LRRC8D: variants seen among roughly 807,000 people sequenced by gnomAD.
LRRC8D encodes the protein volume-regulated anion channel subunit LRRC8D.
In LRRC8D, 20 loss-of-function variants were observed where a neutral mutation model predicts 55.8. The ratio of observed to expected loss-of-function variants is 0.36; its 90% CI spans 0.25 to 0.52. LRRC8D has a LOEUF of 0.52. LRRC8D is among the 20% of genes least tolerant of loss of function. LRRC8D has a pLI of 0.93. For missense variants in LRRC8D, 651 were observed against 1,030.8 expected (o/e 0.63, Z 5.05); for synonymous variants, 352 against 377.0 (o/e 0.93, Z 0.77).
At chr1:89,831,919 A>G (rs1660896487) in intron 1 of LRRC8D, among the ~76,000 whole-genome samples, 1 of 152,228 alleles carries the variant, frequency 6.6e-6, no homozygotes, top group African/African-American at 2.4e-5. Flanking sequence ...TTGAGCGGGT[A>G]TACACAGCAG....
chr1:89,827,430 G>C (rs774972451), intron 1 of LRRC8D, among the ~76,000 whole-genome samples: 1 of 151,494 alleles, frequency 6.6e-6, no homozygotes, highest in Non-Finnish European at 1.5e-5. Context: ...CCCCAAATTC[G>C]TGGGCACCTA....
chr1:89,897,421 T>C (rs559541707), intron 2 of LRRC8D, among the ~76,000 whole-genome samples: 242 of 152,320 alleles, frequency 1.6e-3, no homozygotes, highest in Non-Finnish European at 2.8e-3. Context: ...AAAGGCGAGA[T>C]TATGTTTTTT....
chr1:89,821,467 G>C (rs963364728), intron 1 of LRRC8D, among the ~76,000 whole-genome samples, 176 bp downstream of exon 1: 1 of 152,160 alleles, frequency 6.6e-6, no homozygotes, highest in Non-Finnish European at 1.5e-5. Context: ...GGCGGCGAGC[G>C]GAGTGGGCTC....
intron 2 of LRRC8D, among the ~76,000 whole-genome samples, chr1:89,884,799 A>G (rs916535129): frequency 3.3e-5 from 5 of 152,208 alleles, no homozygotes; most frequent in African/African-American, 1.2e-4. Flanking sequence ...GGTAATAACA[A>G]TTACTTAAAT....
intron 2 of LRRC8D, among the ~76,000 whole-genome samples, chr1:89,925,965 A>G (rs567073176): frequency 3.3e-5 from 5 of 152,374 alleles, no homozygotes; most frequent in Admixed American, 2.6e-4. Flanking sequence ...ACAGGGGTAT[A>G]CCAGACCACT....
chr1:89,923,855 C>G (rs1452779685), intron 2 of LRRC8D, among the ~76,000 whole-genome samples: 1 of 152,144 alleles, frequency 6.6e-6, no homozygotes, highest in Non-Finnish European at 1.5e-5. Context: ...ATAAATGGTG[C>G]TGGAATAACT....
In LRRC8D at chr1:89,935,127, T is replaced by A; in HGVS notation, c.2059T>A (p.Cys687Ser). The A allele has an allele frequency of 6.2e-7, 1 of 1,614,222 alleles. No individual in the cohort carries two copies. Among genetic ancestry groups the A allele is most frequent in the Non-Finnish European group, 8.5e-7 (1 of 1,180,042 alleles). ...ISFQHLKRLTCLKLWHNKIVT... is the reference protein window; with the variant it reads ...ISFQHLKRLTSLKLWHNKIVT... ...TTTCCAGCATTTAAAACGACTGACTTGTTTAAAATTATGGCATAACAAAAT... is the reference window on the plus strand; with the variant it reads ...TTTCCAGCATTTAAAACGACTGACTAGTTTAAAATTATGGCATAACAAAAT... The change falls in exon 3 of 3, where the codon TGT becomes AGT. Residue 687 changes from cysteine to serine, a missense_variant. Around this residue, in one of 5 missense-constraint regions of LRRC8D, gnomAD observed 338 missense variants for 479.4 expected, o/e 0.71. Coordinates refer to ENST00000337338, the MANE Select transcript of LRRC8D (RefSeq NM_001134479.2).
chr1:89,835,455 A>C (rs1302711633), intron 1 of LRRC8D, among the ~76,000 whole-genome samples: 1 of 152,216 alleles, frequency 6.6e-6, no homozygotes, highest in Non-Finnish European at 1.5e-5. Flanking sequence ...AGTTTTTCAC[A>C]TGTATTTCCT....
chr1:89,829,519 A>G (rs966733540), intron 1 of LRRC8D, among the ~76,000 whole-genome samples: 28 of 152,156 alleles, frequency 1.8e-4, no homozygotes, highest in African/African-American at 6.5e-4. Context: ...ATATATACCT[A>G]TTCTCTTATC....
At chr1:89,845,511 A>G (rs1661253204) in intron 2 of LRRC8D, among the ~76,000 whole-genome samples, 2 of 152,122 alleles carry the variant, frequency 1.3e-5, no homozygotes, top group Admixed American at 1.3e-4. Context: ...ATCTCAGCTC[A>G]CTGCAATCTC....
At chr1:89,833,755 ATTT>A (rs1266193122) in intron 1 of LRRC8D, 1 of 152,128 alleles carries the variant, frequency 6.6e-6, no homozygotes, top group African/African-American at 2.4e-5. Flanking sequence ...CTTGGAATGC[ATTT>A]TCCATGGGTG....
At chr1:89,832,754 G>T (rs1034608843) in intron 1 of LRRC8D, among the ~76,000 whole-genome samples, 2 of 152,150 alleles carry the variant, frequency 1.3e-5, no homozygotes, top group African/African-American at 4.8e-5. Flanking sequence ...CTCGTTTGGG[G>T]CATTATGCGT....
intron 2 of LRRC8D, among the ~76,000 whole-genome samples, chr1:89,862,150 A>G (rs564438277): frequency 1.8e-4 from 27 of 152,310 alleles, no homozygotes; most frequent in Admixed American, 4.6e-4. Context: ...AGGTCACTCT[A>G]TGCAGCGATT....
At chr1:89,909,186 G>C (rs1322580501) in intron 2 of LRRC8D, among the ~76,000 whole-genome samples, 1 of 152,158 alleles carries the variant, frequency 6.6e-6, no homozygotes, top group African/African-American at 2.4e-5. Flanking sequence ...ATTGATGACA[G>C]TATCTGATTT....
In LRRC8D at chr1:89,935,733, T is replaced by A; in HGVS notation, c.*88T>A. On this transcript the variant is annotated 3_prime_UTR_variant, in exon 3 of 3. Transcript: ENST00000337338. ...ACAAGTTATTACAAGATAATGCATT[T>A]TAGGAGTAGATACATCTTTTAAAAT... 8.4e-7 allele frequency: 1 copy of A among 1,194,680 alleles called. No homozygotes were observed. Among genetic ancestry groups the A allele is most frequent in the Non-Finnish European group, 1.2e-6 (1 of 833,760 alleles). The allele number at this position is 1,194,680 out of a possible 1,614,324, so 74.0% of individuals were successfully genotyped here.
rs369228277 is a variant in LRRC8D, at chr1:89,856,334, TCA to T, written c.-3+12566_-3+12567del. Among the ~76,000 whole-genome samples, 25 of 151,650 alleles carry T rather than the reference TCA, an allele frequency of 1.6e-4. No individual in the cohort carries two copies. The East Asian group carries it at 3.9e-3, about 23-fold the overall frequency. On this transcript the variant is annotated intron_variant, in intron 2 of 2. Coordinates refer to ENST00000337338, the MANE Select transcript of LRRC8D (RefSeq NM_001134479.2). Reference sequence around the variant, plus strand: ...CATCTGCTACAGTAATCTCTCTCTCTCACACACACACACACTCTCAGGTAAGG... The same window carrying T: ...CATCTGCTACAGTAATCTCTCTCTCTCACACACACACACTCTCAGGTAAGG...
chr1:89,902,237 G>A (rs1662876996), intron 2 of LRRC8D, among the ~76,000 whole-genome samples: 1 of 152,274 alleles, frequency 6.6e-6, no homozygotes, highest in African/African-American at 2.4e-5. Flanking sequence ...GGACCTTGAA[G>A]AGAAGATGGA....
At chr1:89,825,115 A>G (rs189483414) in intron 1 of LRRC8D, among the ~76,000 whole-genome samples, 34 of 152,088 alleles carry the variant, frequency 2.2e-4, no homozygotes, top group African/African-American at 6.0e-4. Context: ...ACATTTTTGA[A>G]TTTATGTCTT....
At position 89,843,672 on chromosome 1, in the gene LRRC8D, C is replaced by G. The variant is rs1424377077; in HGVS notation, c.-113C>G. 1.4e-6 allele frequency: 1 copy of G among 702,386 alleles called. No individual in the cohort carries two copies. The highest frequency in any genetic ancestry group is 2.0e-5 in the Admixed American group (1 of 50,004). The allele number at this position is 702,386 out of a possible 1,614,324, so 43.5% of individuals were successfully genotyped here. On this transcript the variant is annotated 5_prime_UTR_variant, in exon 2 of 3. Transcript: ENST00000337338. ...GGCTGTCTATAACGTGCTGCCGGGTCTCAGGATGGAGGAGTGAAGTCTCCT... is the reference window on the plus strand; with the variant it reads ...GGCTGTCTATAACGTGCTGCCGGGTGTCAGGATGGAGGAGTGAAGTCTCCT...
Sources: allele counts gnomAD v4.1 joint callset (sites outside exome capture counted in the v4.1 genomes callset), GRCh38; gene constraint gnomAD v4.1.1; regional missense constraint gnomAD v4.1.1; transcripts MANE v1.5; gene names NCBI Gene and HGNC (gene_info 2026-07-23, HGNC 2026-07-21).